The following ZMAT4 variants were observed in gnomAD, a reference collection of about 807,000 sequenced individuals.
The protein encoded by ZMAT4 is zinc finger matrin-type protein 4.
Under a neutral mutation model 28.7 loss-of-function variants are expected in ZMAT4, and 17 were observed. The ratio of observed to expected loss-of-function variants is 0.59; its 90% confidence interval spans 0.41 to 0.89. The LOEUF is 0.89. Ranked by LOEUF, ZMAT4 falls within the 40% of genes least tolerant of loss-of-function variation. The pLI is 0.00. For synonymous variants in ZMAT4, 117 were observed against 109.2 expected, an observed-to-expected ratio of 1.07 and a Z score of -0.44; for missense variants, 240 against 283.8, an observed-to-expected ratio of 0.85 and a Z score of 1.11.
intron 1 of ZMAT4, among the ~76,000 whole-genome samples, chr8:40,880,355 G>A (rs997455513): frequency 2.0e-5 from 3 of 150,052 alleles, no homozygotes; most frequent in Non-Finnish European, 4.4e-5. Context: ...GGCAACAAGA[G>A]CGAAACTCCA....
intron 6 of ZMAT4, among the ~76,000 whole-genome samples, chr8:40,543,562 T>C (rs1243726028): frequency 6.6e-6 from 1 of 152,218 alleles, no homozygotes; most frequent in African/African-American, 2.4e-5. Context: ...GTGGTCCTGC[T>C]GGTGCCACTC....
At chr8:40,685,134 TC>T in intron 4 of ZMAT4, among the ~76,000 whole-genome samples, 1 of 19,514 alleles carries the variant, frequency 5.1e-5, no homozygotes, top group African/African-American at 1.9e-4. Flanking sequence ...GAACTGCTGT[TC>T]TGAGTCAGTC....
intron 5 of ZMAT4, among the ~76,000 whole-genome samples, chr8:40,602,087 TCTCA>T (rs1169337048): frequency 6.6e-6 from 1 of 152,172 alleles, no homozygotes; most frequent in Non-Finnish European, 1.5e-5. Flanking sequence ...ATAGCCTAGC[TCTCA>T]CTTAGGAGTG....
chr8:40,533,068 G>GT (rs1423893188), intron 6 of ZMAT4, among the ~76,000 whole-genome samples: 23 of 152,172 alleles, frequency 1.5e-4, no homozygotes, highest in African/African-American at 5.3e-4. Flanking sequence ...AGGATTTTTA[G>GT]TTTTGTTTTT....
chr8:40,546,958 C>T (rs1302316054), intron 6 of ZMAT4, among the ~76,000 whole-genome samples: 1 of 152,178 alleles, frequency 6.6e-6, no homozygotes, highest in Non-Finnish European at 1.5e-5. Flanking sequence ...CACACACACT[C>T]ACGCACACAC....
chr8:40,589,731 C>CCTTTCTTTCTTTCTTTTT (rs1554523990), intron 5 of ZMAT4, among the ~76,000 whole-genome samples: 1 of 139,274 alleles, frequency 7.2e-6, no homozygotes, highest in Non-Finnish European at 1.6e-5. Context: ...TTCTTCCTTT[C>CCTTTCTTTCTTTCTTTTT]CTTTCTTTCT....
chr8:40,780,823 T>C (rs984578626), intron 2 of ZMAT4, among the ~76,000 whole-genome samples: 9 of 152,106 alleles, frequency 5.9e-5, no homozygotes, highest in African/African-American at 2.2e-4. Flanking sequence ...AGAAAAAGCT[T>C]TGAACAAAAT....
At chr8:40,760,400 C>T (rs1012074157) in intron 3 of ZMAT4, among the ~76,000 whole-genome samples, 9 of 152,136 alleles carry the variant, frequency 5.9e-5, no homozygotes, top group Non-Finnish European at 4.4e-5. Flanking sequence ...CCTCAGGAAC[C>T]GAGCCCCTCC....
intron 1 of ZMAT4, among the ~76,000 whole-genome samples, chr8:40,865,515 C>T (rs1413632373): frequency 6.6e-6 from 1 of 152,170 alleles, no homozygotes; most frequent in Non-Finnish European, 1.5e-5. Context: ...GGCCTCTCTG[C>T]TCCAGAACCC....
At chr8:40,631,972 A>G (rs1806601331) in intron 5 of ZMAT4, among the ~76,000 whole-genome samples, 1 of 152,200 alleles carries the variant, frequency 6.6e-6, no homozygotes, top group Admixed American at 6.5e-5. Context: ...TATGCATAAG[A>G]GCTAAGTGAT....
intron 3 of ZMAT4, among the ~76,000 whole-genome samples, chr8:40,712,308 T>C (rs1223625202): frequency 4.6e-5 from 7 of 152,214 alleles, no homozygotes; most frequent in African/African-American, 1.7e-4. Context: ...CTACTGTTTT[T>C]ATTAAAAACC....
intron 1 of ZMAT4, among the ~76,000 whole-genome samples, chr8:40,874,466 T>C (rs888612742): frequency 7.9e-5 from 12 of 152,196 alleles, no homozygotes; most frequent in African/African-American, 2.9e-4. Flanking sequence ...ACCTTAACCC[T>C]TTCCTACTTC....
At chr8:40,607,135 T>C (rs1585749578) in intron 5 of ZMAT4, among the ~76,000 whole-genome samples, 1 of 129,640 alleles carries the variant, frequency 7.7e-6, no homozygotes, top group South Asian at 2.7e-4. Context: ...TTTTTTTTTT[T>C]TTTTTTTGAG....
intron 6 of ZMAT4, among the ~76,000 whole-genome samples, chr8:40,542,924 C>T (rs927968575): frequency 6.6e-6 from 1 of 152,186 alleles, no homozygotes; most frequent in Non-Finnish European, 1.5e-5. Context: ...GTTCCTTTCA[C>T]CTCCACCAGG....
At chr8:40,683,601 T>C (rs1021801463) in intron 4 of ZMAT4, among the ~76,000 whole-genome samples, 1 of 152,208 alleles carries the variant, frequency 6.6e-6, no homozygotes, top group Non-Finnish European at 1.5e-5. Context: ...TTTTGGATAC[T>C]GCTGTGTATG....
At chr8:40,865,626 C>T (rs989768179) in intron 1 of ZMAT4, among the ~76,000 whole-genome samples, 2 of 152,172 alleles carry the variant, frequency 1.3e-5, no homozygotes, top group African/African-American at 2.4e-5. Flanking sequence ...CCCCAGCAAC[C>T]GTGGTGGGAG....
At chr8:40,558,989 C>A (rs1413963486) in intron 6 of ZMAT4, among the ~76,000 whole-genome samples, 2 of 152,146 alleles carry the variant, frequency 1.3e-5, no homozygotes, top group Non-Finnish European at 2.9e-5. Context: ...GGTTAAGCCT[C>A]GCACCCCTGC....
rs1157130384 is a variant in ZMAT4 at position 40,549,901 on chromosome 8, C to T, written c.675-17663G>A. ...TTCTTTGACATTATTTCTCAATATT[C>T]TCCCTTTTTGTCTTCTTGTTTCTCC... is the stretch of plus-strand genomic sequence containing the variant. On this transcript the variant is annotated intron_variant, in intron 6 of 6. Coordinates refer to ENST00000297737, the MANE Select transcript of ZMAT4 (RefSeq NM_024645.3). Among the ~76,000 whole-genome samples, 4 of 152,166 alleles carry T rather than the reference C, an allele frequency of 2.6e-5. No homozygotes were observed. In the East Asian group the frequency reaches 7.7e-4, roughly 29 times the overall value.
intron 1 of ZMAT4, among the ~76,000 whole-genome samples, chr8:40,894,358 G>A (rs772219912): frequency 2.6e-5 from 4 of 152,160 alleles, no homozygotes; most frequent in Non-Finnish European, 4.4e-5. Context: ...GATGTCCCCT[G>A]GTTAACTGTT....
Sources: allele counts gnomAD v4.1 joint callset (sites outside exome capture counted in the v4.1 genomes callset), GRCh38; gene constraint gnomAD v4.1.1; transcripts MANE v1.5; gene names NCBI Gene and HGNC (gene_info 2026-07-23, HGNC 2026-07-21).